The following DLG2 variants were observed in gnomAD, a reference collection of about 807,000 sequenced individuals.
DLG2 encodes discs large MAGUK scaffold protein 2, also known as disks large homolog 2.
A neutral mutation model predicts 132.5 loss-of-function variants in DLG2; 45 were observed. That is an observed-to-expected ratio of 0.34 (90% confidence interval 0.27 to 0.44). The LOEUF is 0.44. Ranked by LOEUF, DLG2 falls within the 20% of genes least tolerant of loss-of-function variation. The pLI, the probability that DLG2 is intolerant of heterozygous loss-of-function variation, is 1.00. For missense variants in DLG2, 1,045 were observed against 1,196.9 expected (o/e 0.87, Z 1.87); for synonymous variants, 424 against 419.6 (o/e 1.01, Z -0.13).
At chr11:84,938,123 G>A (rs1386774393) in intron 6 of DLG2, among the ~76,000 whole-genome samples, 2 of 152,144 alleles carry the variant, frequency 1.3e-5, no homozygotes, top group Non-Finnish European at 2.9e-5. Context: ...GCAGTCACTG[G>A]AGCTCAGAGA....
rs1222486667 is a variant in DLG2, at chr11:84,307,695, C to CAAAAAAAAAAA, written c.520-56415_520-56405dup. On this transcript the variant is annotated intron_variant, in intron 7 of 27. Coordinates refer to ENST00000376104, the MANE Select transcript of DLG2 (RefSeq NM_001142699.3). ...TGGGTGAAAGAGCGAGACGCAGTCT[C>CAAAAAAAAAAA]AAAAAAAAAAAAAAAAAAAAAGAAG... is the stretch of plus-strand genomic sequence containing the variant. Among the ~76,000 whole-genome samples, 395 of 77,912 alleles carry CAAAAAAAAAAA rather than the reference C, an allele frequency of 5.1e-3. 32 individuals carry two copies. The highest frequency in any genetic ancestry group is 0.019 in the African/African-American group (348 of 18,448). 51.1% of individuals were successfully genotyped at this position (77,912 alleles called of 152,430 possible). A position where few individuals can be genotyped will look rare whatever the true frequency, so the allele number is the denominator to read the frequency against.
At chr11:85,111,781 A>C (rs750899196) in intron 5 of DLG2, 46 bp from the exon 6 acceptor site, 39 of 1,385,844 alleles carry the variant, frequency 2.8e-5, no homozygotes, top group Middle Eastern at 1.8e-4. Flanking sequence ...ATTATGGGCC[A>C]GTATGTATAT....
chr11:83,937,782 T>C (rs1240162774), intron 14 of DLG2, among the ~76,000 whole-genome samples: 1 of 152,140 alleles, frequency 6.6e-6, no homozygotes, highest in Non-Finnish European at 1.5e-5. Context: ...TTTTACCTAT[T>C]TTTAAAAAAA....
At chr11:84,579,749 T>C (rs1481989911) in intron 6 of DLG2, among the ~76,000 whole-genome samples, 1 of 152,156 alleles carries the variant, frequency 6.6e-6, no homozygotes, top group East Asian at 1.9e-4. Context: ...ATGCAGGAAG[T>C]AGGTAGAAGA....
intron 15 of DLG2, among the ~76,000 whole-genome samples, chr11:83,905,876 A>C (rs968057504): frequency 1.1e-4 from 16 of 152,180 alleles, no homozygotes; most frequent in Admixed American, 1.0e-3. Context: ...ATAAATTTTA[A>C]TATGCAAATT....
intron 4 of DLG2, among the ~76,000 whole-genome samples, chr11:85,271,421 G>A (rs2077520414): frequency 6.6e-6 from 1 of 152,226 alleles, no homozygotes; most frequent in Non-Finnish European, 1.5e-5. Flanking sequence ...TGTGGGGTGG[G>A]TGCCCCCACA....
At chr11:85,404,858 T>C (rs965239541) in intron 3 of DLG2, among the ~76,000 whole-genome samples, 4 of 151,972 alleles carry the variant, frequency 2.6e-5, no homozygotes, top group African/African-American at 9.7e-5. Flanking sequence ...AATTGAGGCA[T>C]GTCTGAGAGG....
At chr11:85,085,034 T>G (rs2067733422) in intron 6 of DLG2, among the ~76,000 whole-genome samples, 1 of 152,174 alleles carries the variant, frequency 6.6e-6, no homozygotes. Context: ...ACTTTGTATA[T>G]CTACCTCCAA....
At chr11:85,243,522 T>C (rs34821786) in intron 4 of DLG2, among the ~76,000 whole-genome samples, 3,021 of 152,086 alleles carry the variant, frequency 0.02, 58 homozygotes, top group Admixed American at 0.037. Flanking sequence ...TGGCACCCTA[T>C]AGCTTATTTA....
intron 4 of DLG2, among the ~76,000 whole-genome samples, chr11:85,202,269 A>AT (rs61038671): frequency 1 from 152,237 of 152,242 alleles, 76,116 homozygotes; most frequent in Middle Eastern, 1. Flanking sequence ...TTCTAATCAA[A>AT]TTGCAAAGGT....
intron 6 of DLG2, among the ~76,000 whole-genome samples, chr11:84,855,632 A>T (rs2082685656): frequency 6.6e-6 from 1 of 152,064 alleles, no homozygotes; most frequent in Non-Finnish European, 1.5e-5. Flanking sequence ...TAAGAAAGGC[A>T]GAGTTCATAC....
At chr11:84,540,297 C>CA (rs1443556172) in intron 6 of DLG2, among the ~76,000 whole-genome samples, 1 of 147,192 alleles carries the variant, frequency 6.8e-6, no homozygotes, top group Non-Finnish European at 1.5e-5. Flanking sequence ...ACCCATCTGA[C>CA]AAAGGGCTAA....
At chr11:85,070,767 A>T (rs1410315248) in intron 6 of DLG2, among the ~76,000 whole-genome samples, 1 of 151,806 alleles carries the variant, frequency 6.6e-6, no homozygotes, top group East Asian at 1.9e-4. Context: ...TTTTTCACAG[A>T]GCCTGTTCTG....
chr11:84,511,427 G>A (rs1033889588), intron 7 of DLG2, among the ~76,000 whole-genome samples: 12 of 151,852 alleles, frequency 7.9e-5, no homozygotes, highest in Non-Finnish European at 1.6e-4. Flanking sequence ...TCTTCTTCAG[G>A]CACTACTGAA....
intron 15 of DLG2, among the ~76,000 whole-genome samples, chr11:83,879,560 C>T (rs1332440510): frequency 1.3e-5 from 2 of 152,050 alleles, no homozygotes; most frequent in African/African-American, 4.8e-5. Flanking sequence ...TGTCACTATT[C>T]TTAAAAAGAA....
chr11:85,404,591 C>T (rs1597014654), intron 3 of DLG2, among the ~76,000 whole-genome samples: 2 of 151,968 alleles, frequency 1.3e-5, no homozygotes, highest in East Asian at 1.9e-4. Context: ...GAAAAACTTA[C>T]ATGGTGGAAG....
At chr11:84,024,616 G>A (rs902240175) in intron 11 of DLG2, among the ~76,000 whole-genome samples, 2 of 152,082 alleles carry the variant, frequency 1.3e-5, no homozygotes, top group African/African-American at 4.8e-5. Context: ...AACATAGATG[G>A]AATTGGAGAA....
chr11:84,251,524 T>A (rs751106093), intron 7 of DLG2, among the ~76,000 whole-genome samples: 98 of 152,282 alleles, frequency 6.4e-4, no homozygotes, highest in Admixed American at 1.6e-3. Context: ...TTCATATAAT[T>A]TACATTCATT....
At chr11:85,423,939 G>T (rs1168332497) in intron 3 of DLG2, among the ~76,000 whole-genome samples, 2 of 152,122 alleles carry the variant, frequency 1.3e-5, no homozygotes, top group South Asian at 2.1e-4. Flanking sequence ...CCAGGTTCTG[G>T]CCAGGAGGCT....
Sources: gnomAD v4.1 joint callset for allele counts (sites outside exome capture counted in the v4.1 genomes callset) on GRCh38, gnomAD v4.1.1 for gene constraint, MANE v1.5 for transcripts, NCBI Gene and HGNC (gene_info 2026-07-23, HGNC 2026-07-21) for gene names.